Variants in SPAG16 observed in about 807,000 individuals in gnomAD.
SPAG16 encodes the protein sperm associated antigen 16, also known as sperm-associated antigen 16 protein.
A neutral mutation model predicts 80.4 loss-of-function variants in SPAG16; 86 were observed. That is an observed-to-expected ratio of 1.07 (90% CI 0.90 to 1.28). The LOEUF is 1.28. SPAG16 is among the 50% of genes most tolerant of loss of function. The probability of loss-of-function intolerance (pLI) is 0.00; values close to 1 mark genes in which losing one functional copy is unlikely to be tolerated. For synonymous variants in SPAG16, 294 were observed against 265.9 expected, an observed-to-expected ratio of 1.11 and a Z score of -1.03; for missense variants, 870 against 765.3, an observed-to-expected ratio of 1.14 and a Z score of -1.61.
intron 13 of SPAG16, among the ~76,000 whole-genome samples, chr2:214,049,823 T>C (rs933733861): frequency 6.6e-6 from 1 of 152,142 alleles, no homozygotes; most frequent in Non-Finnish European, 1.5e-5. Flanking sequence ...GAAGTTATAT[T>C]TACGTCACAA....
intron 10 of SPAG16, among the ~76,000 whole-genome samples, chr2:213,499,807 C>A (rs543293061): frequency 7.2e-5 from 11 of 152,140 alleles, no homozygotes; most frequent in African/African-American, 2.6e-4. Context: ...TTTCAGCCTG[C>A]CTTATTCTCT....
At chr2:213,525,041 T>C (rs1280099069) in intron 10 of SPAG16, among the ~76,000 whole-genome samples, 1 of 152,106 alleles carries the variant, frequency 6.6e-6, no homozygotes, top group East Asian at 1.9e-4. Flanking sequence ...GGGAGGTAGC[T>C]TGTGGGAGGT....
chr2:213,456,588 T>A (rs1305490728), intron 9 of SPAG16, among the ~76,000 whole-genome samples: 4 of 152,164 alleles, frequency 2.6e-5, no homozygotes, highest in Non-Finnish European at 4.4e-5. Flanking sequence ...TTTTTATTTC[T>A]TAAATAATTT....
intron 9 of SPAG16, among the ~76,000 whole-genome samples, chr2:213,461,740 C>T (rs1376075305): frequency 6.6e-6 from 1 of 152,098 alleles, no homozygotes; most frequent in Non-Finnish European, 1.5e-5. Flanking sequence ...GGCAGTGGAA[C>T]ATCCAGGTAG....
intron 10 of SPAG16, among the ~76,000 whole-genome samples, chr2:213,564,916 C>A (rs964476873): frequency 1.3e-5 from 2 of 152,068 alleles, no homozygotes; most frequent in African/African-American, 2.4e-5. Context: ...GGCTCCTGAG[C>A]CTGCACATTT....
At chr2:213,836,161 G>C (rs572026236) in intron 10 of SPAG16, among the ~76,000 whole-genome samples, 1 of 139,828 alleles carries the variant, frequency 7.2e-6, no homozygotes, top group East Asian at 2.1e-4. Flanking sequence ...AAAACTTAAG[G>C]AATTTTCATT....
chr2:213,906,192 C>T (rs1177359916), intron 11 of SPAG16, among the ~76,000 whole-genome samples: 1 of 151,830 alleles, frequency 6.6e-6, no homozygotes, highest in Non-Finnish European at 1.5e-5. Flanking sequence ...TCATGTCCAC[C>T]TCAGCAGCCT....
intron 15 of SPAG16, among the ~76,000 whole-genome samples, chr2:214,221,157 T>C (rs2058556952): frequency 6.6e-6 from 1 of 152,212 alleles, no homozygotes; most frequent in Non-Finnish European, 1.5e-5. Flanking sequence ...CAGTTTGATA[T>C]GCATATGAAA....
At chr2:213,908,700 C>T (rs2077527242) in intron 11 of SPAG16, among the ~76,000 whole-genome samples, 1 of 151,764 alleles carries the variant, frequency 6.6e-6, no homozygotes, top group Non-Finnish European at 1.5e-5. Context: ...AAGGCAGGAA[C>T]ACTTGGATAT....
chr2:213,887,999 A>T (rs569228351), intron 11 of SPAG16, among the ~76,000 whole-genome samples: 8 of 151,838 alleles, frequency 5.3e-5, no homozygotes, highest in Non-Finnish European at 1.0e-4. Flanking sequence ...ACAAAAATTC[A>T]ATGTTTTTGA....
At chr2:213,412,088 G>A (rs2069003346) in intron 9 of SPAG16, among the ~76,000 whole-genome samples, 1 of 151,890 alleles carries the variant, frequency 6.6e-6, no homozygotes, top group South Asian at 2.1e-4. Context: ...ACTCCACCCT[G>A]ACTCATTCTG....
At chr2:214,184,090 C>T (rs2057393770) in intron 15 of SPAG16, among the ~76,000 whole-genome samples, 1 of 151,956 alleles carries the variant, frequency 6.6e-6, no homozygotes, top group African/African-American at 2.4e-5. Flanking sequence ...GTTGGCAAAC[C>T]AGAGCCAGTT....
chr2:214,026,999 G>A (rs1053070706), intron 13 of SPAG16, among the ~76,000 whole-genome samples: 19 of 151,190 alleles, frequency 1.3e-4, no homozygotes, highest in African/African-American at 4.6e-4. Context: ...TATATCTAAA[G>A]TTTCATCTGT....
At chr2:214,194,453 G>T (rs2057766741) in intron 15 of SPAG16, among the ~76,000 whole-genome samples, 1 of 152,050 alleles carries the variant, frequency 6.6e-6, no homozygotes, top group African/African-American at 2.4e-5. Flanking sequence ...GCAGGAAAAT[G>T]AGATAGAAGA....
At chr2:213,806,281 A>G (rs2071764269) in intron 10 of SPAG16, among the ~76,000 whole-genome samples, 1 of 152,212 alleles carries the variant, frequency 6.6e-6, no homozygotes, top group South Asian at 2.1e-4. Context: ...TACAGGCTTG[A>G]TAAGAATTAT....
intron 1 of SPAG16, among the ~76,000 whole-genome samples, chr2:213,294,201 A>G (rs2062409797): frequency 6.6e-6 from 1 of 152,176 alleles, no homozygotes; most frequent in East Asian, 1.9e-4. Context: ...TGTATCTAAC[A>G]TTTCACTTAG....
At chr2:214,200,113 T>G (rs943371888) in intron 15 of SPAG16, among the ~76,000 whole-genome samples, 4 of 152,122 alleles carry the variant, frequency 2.6e-5, no homozygotes, top group African/African-American at 9.7e-5. Flanking sequence ...CTTGTCTGAT[T>G]GCCTAGCCAG....
chr2:213,602,115 C>T (rs991145191), intron 10 of SPAG16, among the ~76,000 whole-genome samples: 1 of 152,198 alleles, frequency 6.6e-6, no homozygotes, highest in South Asian at 2.1e-4. Context: ...TACCTCAGCC[C>T]AGTTTCTAAC....
chr2:213,759,151 C>G (rs2068508653), intron 10 of SPAG16, among the ~76,000 whole-genome samples: 1 of 152,078 alleles, frequency 6.6e-6, no homozygotes, highest in Non-Finnish European at 1.5e-5. Flanking sequence ...ACCATTGGAC[C>G]TGACTTGCAA....
Sources: allele counts gnomAD v4.1 joint callset (sites outside exome capture counted in the v4.1 genomes callset), GRCh38; gene constraint gnomAD v4.1.1; transcripts MANE v1.5; gene names NCBI Gene and HGNC (gene_info 2026-07-23, HGNC 2026-07-21).